The following DCC variants were observed in gnomAD, a reference collection of about 807,000 sequenced individuals.
DCC encodes DCC netrin 1 receptor.
DCC carries 58 observed loss-of-function variants against 172.5 expected under a neutral mutation model. The ratio of observed to expected loss-of-function variants is 0.34; its 90% CI spans 0.27 to 0.42. The LOEUF (loss-of-function observed/expected upper bound fraction) is 0.42, where lower values mean the gene tolerates loss of function less well. DCC is among the 10% of genes least tolerant of loss of function. DCC has a pLI of 1.00. For synonymous variants in DCC, 709 were observed against 644.5 expected, an observed-to-expected ratio of 1.10 and a Z score of -1.52; for missense variants, 1,740 against 1,791.0, an observed-to-expected ratio of 0.97 and a Z score of 0.51.
intron 17 of DCC, among the ~76,000 whole-genome samples, chr18:53,395,719 T>C (rs1908886888): frequency 6.6e-6 from 1 of 152,226 alleles, no homozygotes; most frequent in African/African-American, 2.4e-5. Context: ...CTTGGCTCAC[T>C]GCAACCTTCA....
In DCC at chr18:52,483,438, T is replaced by C. The variant is rs1368244393; in HGVS notation, c.91+142560T>C. On this transcript the variant is annotated intron_variant, in intron 1 of 28. Coordinates refer to ENST00000442544, the MANE Select transcript of DCC (RefSeq NM_005215.4). ...CCTTGCACTTTTTTAATGAAAAAAA[T>C]GCAAGGTAAATTTTCTGAAACATCA... 2.6e-5 allele frequency among the ~76,000 whole-genome samples: 4 copies of C among 152,168 alleles called. No homozygotes were observed. The East Asian group carries it at 5.8e-4, about 22-fold the overall frequency.
At chr18:52,776,917 A>G (rs2037445084) in intron 2 of DCC, among the ~76,000 whole-genome samples, 1 of 152,170 alleles carries the variant, frequency 6.6e-6, no homozygotes. Flanking sequence ...CTAGAAAGTT[A>G]ATTTTTGTAA....
chr18:52,433,226 C>T (rs769692519), intron 1 of DCC, among the ~76,000 whole-genome samples: 1 of 152,122 alleles, frequency 6.6e-6, no homozygotes, highest in African/African-American at 2.4e-5. Context: ...ATTAAACCCA[C>T]TTGTGTTCAT....
intron 2 of DCC, among the ~76,000 whole-genome samples, chr18:52,804,120 ATT>A (rs914798333): frequency 5.3e-5 from 8 of 152,128 alleles, no homozygotes; most frequent in African/African-American, 1.9e-4. Context: ...AAGAATCACA[ATT>A]TTTACCTCCA....
chr18:53,493,650 T>A (rs972499394), intron 26 of DCC, among the ~76,000 whole-genome samples: 1 of 152,180 alleles, frequency 6.6e-6, no homozygotes, highest in African/African-American at 2.4e-5. Context: ...ATTTGATTCT[T>A]CTCTCTTTTC....
intron 14 of DCC, among the ~76,000 whole-genome samples, chr18:53,325,929 T>A (rs1433118015): frequency 1.3e-5 from 2 of 151,542 alleles, no homozygotes; most frequent in Non-Finnish European, 2.9e-5. Flanking sequence ...AGAAAGGGGG[T>A]TCTGACAGCT....
chr18:53,468,340 A>ATTTT (rs1001093050), intron 25 of DCC, among the ~76,000 whole-genome samples: 65 of 15,632 alleles, frequency 4.2e-3, no homozygotes, highest in African/African-American at 9.6e-3. Flanking sequence ...TCCATAGTTT[A>ATTTT]TTTTTATTTA....
At chr18:52,627,742 A>C (rs2034600837) in intron 1 of DCC, among the ~76,000 whole-genome samples, 1 of 152,244 alleles carries the variant, frequency 6.6e-6, no homozygotes. Flanking sequence ...TGGTCTTCAC[A>C]GGCAAGTGTG....
chr18:52,639,844 A>G (rs1183798301), intron 1 of DCC, among the ~76,000 whole-genome samples: 1 of 152,046 alleles, frequency 6.6e-6, no homozygotes, highest in Non-Finnish European at 1.5e-5. Flanking sequence ...GAAAGAAGAA[A>G]CCCTCCCTAA....
At chr18:52,827,774 A>T (rs1376299485) in intron 2 of DCC, among the ~76,000 whole-genome samples, 1 of 152,136 alleles carries the variant, frequency 6.6e-6, no homozygotes, top group Non-Finnish European at 1.5e-5. Flanking sequence ...ACTTGATTTT[A>T]AAATGTATGT....
chr18:53,014,207 G>C (rs1051230305), intron 5 of DCC, among the ~76,000 whole-genome samples: 1 of 152,132 alleles, frequency 6.6e-6, no homozygotes, highest in African/African-American at 2.4e-5. Flanking sequence ...TGAATCACTT[G>C]CTTATTGGCA....
chr18:52,966,604 A>AAAGCAAGG (rs1389195727), intron 5 of DCC, among the ~76,000 whole-genome samples: 5 of 152,126 alleles, frequency 3.3e-5, no homozygotes, highest in Non-Finnish European at 1.5e-5. Context: ...CAAGGGTTCA[A>AAAGCAAGG]AAGCAAGGAT....
At chr18:52,798,515 A>C (rs147728548) in intron 2 of DCC, among the ~76,000 whole-genome samples, 157 of 151,722 alleles carry the variant, frequency 1.0e-3, no homozygotes, top group African/African-American at 2.7e-3. Context: ...CCTGCAGAGG[A>C]ACTTTCTAAT....
At chr18:53,427,964 TATA>T (rs1255109784) in intron 21 of DCC, among the ~76,000 whole-genome samples, 5 of 37,258 alleles carry the variant, frequency 1.3e-4, no homozygotes, top group Middle Eastern at 0.017. Flanking sequence ...AATATAATAA[TATA>T]ATATATAATA....
chr18:53,043,011 T>C (rs2042190432), intron 5 of DCC, among the ~76,000 whole-genome samples: 1 of 151,938 alleles, frequency 6.6e-6, no homozygotes, highest in Non-Finnish European at 1.5e-5. Flanking sequence ...TAAAGACATA[T>C]GCACACGTAT....
At chr18:53,085,780 C>T (rs1568293955) in intron 7 of DCC, among the ~76,000 whole-genome samples, 2 of 151,532 alleles carry the variant, frequency 1.3e-5, no homozygotes, top group African/African-American at 4.9e-5. Flanking sequence ...TTAGACCATA[C>T]AAAGTTACTC....
chr18:53,120,003 CA>C (rs976389036), intron 7 of DCC, among the ~76,000 whole-genome samples: 1 of 151,784 alleles, frequency 6.6e-6, no homozygotes, highest in Non-Finnish European at 1.5e-5. Flanking sequence ...AAATTATATT[CA>C]AGTTATAGTC....
intron 7 of DCC, among the ~76,000 whole-genome samples, chr18:53,147,170 T>G (rs2144365999): frequency 6.6e-6 from 1 of 152,306 alleles, no homozygotes; most frequent in South Asian, 2.1e-4. Context: ...GTTGATAGCT[T>G]AGATATCATT....
intron 1 of DCC, among the ~76,000 whole-genome samples, chr18:52,633,862 T>C (rs1010575962): frequency 6.6e-6 from 1 of 152,206 alleles, no homozygotes; most frequent in Non-Finnish European, 1.5e-5. Flanking sequence ...AACACCAAAC[T>C]GAGAACAGGA....
Sources: allele counts gnomAD v4.1 joint callset (sites outside exome capture counted in the v4.1 genomes callset), GRCh38; gene constraint gnomAD v4.1.1; transcripts MANE v1.5; gene names NCBI Gene and HGNC (gene_info 2026-07-23, HGNC 2026-07-21).